GRIP1: variants seen among roughly 807,000 people sequenced by gnomAD.
The protein encoded by GRIP1 is glutamate receptor-interacting protein 1.
A neutral mutation model predicts 129.9 loss-of-function variants in GRIP1; 45 were observed. That is an observed-to-expected ratio of 0.35 (90% CI 0.27 to 0.44). The LOEUF is 0.44. Ranked by LOEUF, GRIP1 falls within the 20% of genes least tolerant of loss-of-function variation. The pLI is 1.00. For missense variants in GRIP1, 1,196 were observed against 1,396.8 expected (o/e 0.86, Z 2.29); for synonymous variants, 530 against 520.8 (o/e 1.02, Z -0.24).
intron 1 of GRIP1, among the ~76,000 whole-genome samples, chr12:66,970,415 G>A (rs73315253): frequency 0.016 from 2,365 of 152,212 alleles, 54 homozygotes; most frequent in African/African-American, 0.054. Context: ...AGCTAGACAT[G>A]ATGTATCAGA....
Position 66,462,998 on chromosome 12 carries a change from T to C in GRIP1, c.968A>G (p.Asn323Ser), listed in dbSNP as rs1043763998. ...CTCAAGCTTGACCTGGTCAGTGGTG[T>C]TGGCCAGGAACTGGGTTGCTTCTGC... ...TLAEATQFLA[N>S]TTDQVKLEIL... Residue 323 changes from asparagine to serine, a missense_variant, in exon 9 of 25, where the codon AAC becomes AGC. By Grantham distance (46) the Asn-to-Ser change is conservative. Transcript: ENST00000359742. 30 of 1,613,952 alleles carry C rather than the reference T, an allele frequency of 1.9e-5. No individual in the cohort carries two copies. The Middle Eastern group carries it at 1.2e-3, about 62-fold the overall frequency.
upstream of GRIP1, among the ~76,000 whole-genome samples, chr12:66,804,756 T>C (rs1194520536): frequency 6.6e-6 from 1 of 152,174 alleles, no homozygotes; most frequent in African/African-American, 2.4e-5. Context: ...AACATGTGCT[T>C]GGGAAACCTC....
intron 1 of GRIP1, among the ~76,000 whole-genome samples, chr12:66,615,538 T>C (rs1310220539): frequency 6.6e-6 from 1 of 152,222 alleles, no homozygotes; most frequent in Non-Finnish European, 1.5e-5. Context: ...CCAAAGTGTA[T>C]ATCCACTCTA....
intron 15 of GRIP1, among the ~76,000 whole-genome samples, chr12:66,413,713 A>G (rs2057482383): frequency 1.3e-5 from 2 of 152,328 alleles, no homozygotes; most frequent in African/African-American, 4.8e-5. Context: ...AATACTGGCA[A>G]ACTGAATCCA....
chr12:66,655,473 T>C (rs1565945098), intron 1 of GRIP1, among the ~76,000 whole-genome samples: 1 of 152,202 alleles, frequency 6.6e-6, no homozygotes, highest in Non-Finnish European at 1.5e-5. Context: ...TCTACATTGA[T>C]GCCTCATTAT....
At chr12:66,836,366 CA>C (rs1322432448) in intron 1 of GRIP1, among the ~76,000 whole-genome samples, 3 of 152,192 alleles carry the variant, frequency 2.0e-5, no homozygotes, top group Admixed American at 1.3e-4. Context: ...CCTTTATCCA[CA>C]GCCCTTTTAT....
At chr12:66,621,112 A>T (rs998208422) in intron 1 of GRIP1, among the ~76,000 whole-genome samples, 9 of 152,180 alleles carry the variant, frequency 5.9e-5, no homozygotes, top group African/African-American at 2.2e-4. Context: ...AAATAGACAT[A>T]ACACAAATTG....
intron 23 of GRIP1, among the ~76,000 whole-genome samples, chr12:66,363,099 A>G (rs2054873450): frequency 6.7e-6 from 1 of 148,742 alleles, no homozygotes; most frequent in Non-Finnish European, 1.5e-5. Context: ...CATATCATAT[A>G]TATATCCTAC....
chr12:67,041,153 CTT>C (rs931760645), intron 1 of GRIP1, among the ~76,000 whole-genome samples: 3 of 152,048 alleles, frequency 2.0e-5, no homozygotes, highest in African/African-American at 4.8e-5. Flanking sequence ...CAATCTCTCT[CTT>C]TCTCTCTCTC....
intron 1 of GRIP1, among the ~76,000 whole-genome samples, chr12:66,645,361 C>T (rs771462973): frequency 6.6e-6 from 1 of 152,214 alleles, no homozygotes; most frequent in Non-Finnish European, 1.5e-5. Context: ...CTTCACTGCG[C>T]TACAGAAAGT....
chr12:67,011,641 T>C lies in GRIP1; in HGVS notation c.58+57409A>G, dbSNP rs115705585. Among the ~76,000 whole-genome samples, 1,414 of 152,178 alleles carry C rather than the reference T, an allele frequency of 9.3e-3. 25 individuals are homozygous for C. Among genetic ancestry groups the C allele is most frequent in the African/African-American group, 0.032 (1,331 of 41,538 alleles). ...TTTTTTTTGTCCTTCAGGGCCCAACTTAAATCCTACTTTCTCAAGAAGGTT... is the reference window on the plus strand; with the variant it reads ...TTTTTTTTGTCCTTCAGGGCCCAACCTAAATCCTACTTTCTCAAGAAGGTT... On this transcript the variant is annotated intron_variant, in intron 1 of 1. Transcript: ENST00000643019.
chr12:66,703,557 C>G (rs2035421939), intron 1 of GRIP1, among the ~76,000 whole-genome samples: 1 of 151,812 alleles, frequency 6.6e-6, no homozygotes, highest in South Asian at 2.1e-4. Context: ...AAGTAGAGAT[C>G]CAAGGAATAT....
At chr12:66,525,544 G>C (rs1391667412) in intron 5 of GRIP1, among the ~76,000 whole-genome samples, 1 of 151,528 alleles carries the variant, frequency 6.6e-6, no homozygotes, top group Non-Finnish European at 1.5e-5. Context: ...AATAATAAGA[G>C]CTATCTATGA....
At chr12:66,938,901 A>G (rs551084900) in intron 1 of GRIP1, among the ~76,000 whole-genome samples, 18 of 152,240 alleles carry the variant, frequency 1.2e-4, no homozygotes, top group East Asian at 5.8e-4. Flanking sequence ...AGGTTGCAGT[A>G]AGCCGAGATG....
chr12:66,726,842 A>C (rs1266050527), intron 1 of GRIP1, among the ~76,000 whole-genome samples: 5 of 152,216 alleles, frequency 3.3e-5, no homozygotes, highest in African/African-American at 1.2e-4. Flanking sequence ...GGATCCTAAA[A>C]TGAAGTGACA....
intron 1 of GRIP1, among the ~76,000 whole-genome samples, chr12:66,670,457 G>A (rs2034025196): frequency 6.6e-6 from 1 of 152,288 alleles, no homozygotes; most frequent in South Asian, 2.1e-4. Context: ...CGTTAGCAGT[G>A]GCGCTCATAA....
chr12:66,693,554 G>T (rs1025778636), intron 1 of GRIP1, among the ~76,000 whole-genome samples: 1 of 152,076 alleles, frequency 6.6e-6, no homozygotes, highest in South Asian at 2.1e-4. Context: ...GGCCTTCCGG[G>T]GTGATATGCT....
At chr12:66,445,809 C>G (rs956288058) in intron 11 of GRIP1, among the ~76,000 whole-genome samples, 2 of 152,176 alleles carry the variant, frequency 1.3e-5, no homozygotes, top group Admixed American at 6.5e-5. Context: ...AGTCCTGGCT[C>G]TATCACTGAG....
intron 2 of GRIP1, among the ~76,000 whole-genome samples, chr12:66,577,475 C>G (rs1037056983): frequency 2.0e-5 from 3 of 152,096 alleles, no homozygotes; most frequent in African/African-American, 7.2e-5. Flanking sequence ...AGAGAAAGAT[C>G]AGTAAGAGCA....
Sources: allele counts gnomAD v4.1 joint callset (sites outside exome capture counted in the v4.1 genomes callset), GRCh38; gene constraint gnomAD v4.1.1; transcripts MANE v1.5; gene names NCBI Gene and HGNC (gene_info 2026-07-23, HGNC 2026-07-21).